TMBIM6: variants seen among roughly 807,000 people sequenced by gnomAD.
TMBIM6 encodes the protein transmembrane BAX inhibitor motif containing 6.
A neutral mutation model predicts 31.4 loss-of-function variants in TMBIM6; 13 were observed. That is an observed-to-expected ratio of 0.41 (90% CI 0.27 to 0.66). TMBIM6 has a LOEUF of 0.66. TMBIM6 is among the 30% of genes least tolerant of loss of function. The pLI, the probability that TMBIM6 is intolerant of heterozygous loss-of-function variation, is 0.28. For synonymous variants in TMBIM6, 85 were observed against 101.7 expected, an observed-to-expected ratio of 0.84 and a Z score of 0.99; for missense variants, 275 against 289.5, an observed-to-expected ratio of 0.95 and a Z score of 0.36.
At chr12:49,761,866 C>A in intron 9 of TMBIM6, 87 bp downstream of exon 9, 1 of 1,326,666 alleles carries the variant, frequency 7.5e-7, no homozygotes. Context: ...AACTTGCTCA[C>A]ACACTGTGTT....
In TMBIM6 at chr12:49,764,717, A is replaced by G. The variant is rs1480919262; in HGVS notation, c.*1821A>G. 1 of 141,066 alleles carries G rather than the reference A, an allele frequency of 7.1e-6. No homozygotes were observed. Among genetic ancestry groups the G allele is most frequent in the Non-Finnish European group, 1.5e-5 (1 of 67,164 alleles). 8.7% of individuals were successfully genotyped at this position (141,066 alleles called of 1,614,324 possible). A position where few individuals can be genotyped will look rare whatever the true frequency, so the allele number is the denominator to read the frequency against. On this transcript the variant is annotated 3_prime_UTR_variant, in exon 10 of 10. Transcript: ENST00000267115. ...CCAAGAATGACAAGATATTAAAAAA[A>G]AAAAAGAAAGAAAAAAAAAAAAACA...
intron 3 of TMBIM6, 124 bp from the exon 4 acceptor site, chr12:49,755,511 T>C: frequency 1.6e-6 from 2 of 1,249,282 alleles, no homozygotes; most frequent in Non-Finnish European, 2.2e-6. Flanking sequence ...CTTTTTCTCC[T>C]GCCTCCAGGT....
At position 49,764,751 on chromosome 12, in the gene TMBIM6, TA is replaced by T. The variant is rs1300307020; in HGVS notation, c.*1858del. The T allele has an allele frequency of 6.6e-6, 1 of 152,036 alleles. No individual in the cohort carries two copies. Among genetic ancestry groups the T allele is most frequent in the Non-Finnish European group, 1.5e-5 (1 of 67,940 alleles). 9.4% of individuals were successfully genotyped at this position (152,036 alleles called of 1,614,324 possible). ...AGAAAAAAAAAAAAACACCTACTTT[TA>T]AAGAAAATACCTAACAGATTTTTAA... On this transcript the variant is annotated 3_prime_UTR_variant, in exon 10 of 10. Coordinates refer to ENST00000267115, the MANE Select transcript of TMBIM6 (RefSeq NM_003217.3).
At chr12:49,760,195 A>G (rs1449312831) in intron 8 of TMBIM6, among the ~76,000 whole-genome samples, 1 of 151,730 alleles carries the variant, frequency 6.6e-6, no homozygotes, top group Non-Finnish European at 1.5e-5. Flanking sequence ...AGTGAGGGAA[A>G]GAGATCTTTC....
chr12:49,762,134 T>TA (rs1945731499), intron 9 of TMBIM6: 1 of 226,272 alleles, frequency 4.4e-6, no homozygotes, highest in Non-Finnish European at 8.7e-6. Flanking sequence ...ATCCATTTGT[T>TA]AATTTTTTTT....
chr12:49,746,442 C>T (rs1412531068), intron 1 of TMBIM6, among the ~76,000 whole-genome samples: 5 of 152,134 alleles, frequency 3.3e-5, no homozygotes, highest in Non-Finnish European at 5.9e-5. Flanking sequence ...AATGTTAGTA[C>T]ACCAGTAATA....
At chr12:49,742,933 T>G (rs1188249606) in intron 1 of TMBIM6, among the ~76,000 whole-genome samples, 1 of 152,098 alleles carries the variant, frequency 6.6e-6, no homozygotes, top group Non-Finnish European at 1.5e-5. Context: ...ATAGTTTGCT[T>G]CTTCCGTTAT....
At chr12:49,755,833 T>C (rs963980329) in intron 4 of TMBIM6, 78 bp downstream of exon 4, 2 of 1,497,654 alleles carry the variant, frequency 1.3e-6, no homozygotes, top group African/African-American at 1.5e-5. Context: ...CCCCCTTTTT[T>C]TTTCTTTTTT....
intron 2 of TMBIM6, 43 bp from the exon 3 acceptor site, chr12:49,752,930 A>G (rs968876013): frequency 8.4e-6 from 13 of 1,540,112 alleles, no homozygotes; most frequent in Non-Finnish European, 1.2e-5. Flanking sequence ...TAAATATGAG[A>G]TTGATCTGGG....
intron 1 of TMBIM6, among the ~76,000 whole-genome samples, chr12:49,745,071 G>A (rs145606373): frequency 2.3e-4 from 35 of 152,290 alleles, no homozygotes; most frequent in Middle Eastern, 3.4e-3. Context: ...CCAAGTTAAG[G>A]GAGAGGCGGG....
chr12:49,749,435 A>ATTTTTTTTTTTTTTTTTTTT (rs372622355), intron 1 of TMBIM6, among the ~76,000 whole-genome samples: 1 of 136,386 alleles, frequency 7.3e-6, no homozygotes. Flanking sequence ...TTTGTAAGTC[A>ATTTTTTTTTTTTTTTTTTTT]TTTTTGTTTT....
Position 49,761,790 on chromosome 12 carries a change from C to T in TMBIM6, c.690+11C>T, listed in dbSNP as rs1343305102. 3 of 1,613,642 alleles carry T rather than the reference C, an allele frequency of 1.9e-6. No individual in the cohort carries two copies. The highest frequency in any genetic ancestry group is 2.5e-6 in the Non-Finnish European group (3 of 1,179,584). On this transcript the variant is annotated intron_variant, in intron 9 of 9. Transcript: ENST00000267115. The stretch of plus-strand genomic sequence containing the variant: ...GCCATGAATGAAAAGGTTAGTTAGC[C>T]TACAACCCAAAGATGAGACAATAAT...
At chr12:49,750,525 G>A (rs1317162844) in intron 1 of TMBIM6, 1 of 152,188 alleles carries the variant, frequency 6.6e-6, no homozygotes, top group East Asian at 1.9e-4. Flanking sequence ...AGAGGACATA[G>A]TCATATTCAT....
intron 3 of TMBIM6, among the ~76,000 whole-genome samples, chr12:49,755,193 G>T (rs753784752): frequency 6.6e-6 from 1 of 152,080 alleles, no homozygotes; most frequent in Non-Finnish European, 1.5e-5. Context: ...CTGATCTCAG[G>T]TGATTTGCCC....
chr12:49,751,529 ATCC>A (rs1459681515), intron 1 of TMBIM6, among the ~76,000 whole-genome samples: 1 of 152,084 alleles, frequency 6.6e-6, no homozygotes, highest in Non-Finnish European at 1.5e-5. Context: ...CCCCCAAAAA[ATCC>A]TCCTTTCTGC....
At chr12:49,754,251 A>G (rs1945549025) in intron 3 of TMBIM6, among the ~76,000 whole-genome samples, 1 of 152,166 alleles carries the variant, frequency 6.6e-6, no homozygotes, top group Admixed American at 6.5e-5. Context: ...CCTCCCAAGT[A>G]GCTGGGAATA....
chr12:49,742,194 C>A (rs1401229528), intron 1 of TMBIM6: 1 of 1,613,034 alleles, frequency 6.2e-7, no homozygotes, highest in Non-Finnish European at 8.5e-7. Flanking sequence ...ACGGCAGAGG[C>A]GGGAAGTGAG....
At chr12:49,761,853 G>C in intron 9 of TMBIM6, 74 bp downstream of exon 9, 1 of 1,463,996 alleles carries the variant, frequency 6.8e-7, no homozygotes, top group Non-Finnish European at 9.5e-7. Flanking sequence ...CTTCAGATTT[G>C]AAAACTTGCT....
chr12:49,742,193 G>A, intron 1 of TMBIM6: 2 of 1,613,226 alleles, frequency 1.2e-6, no homozygotes, highest in Non-Finnish European at 1.7e-6. Context: ...AACGGCAGAG[G>A]CGGGAAGTGA....
Sources: allele counts gnomAD v4.1 joint callset (sites outside exome capture counted in the v4.1 genomes callset), GRCh38; gene constraint gnomAD v4.1.1; transcripts MANE v1.5; gene names NCBI Gene and HGNC (gene_info 2026-07-23, HGNC 2026-07-21).